PVT1: variants seen among roughly 807,000 people sequenced by gnomAD.
PVT1 encodes the protein Pvt1 oncogene.
chr8:128,068,727 C>T (rs1203015258), intron 4 of PVT1, among the ~76,000 whole-genome samples: 3 of 152,136 alleles, frequency 2.0e-5, no homozygotes, highest in Non-Finnish European at 2.9e-5. Context: ...CTCCTGACCT[C>T]GTGATCCACC....
chr8:128,034,754 A>C (rs1429933179), intron 4 of PVT1, among the ~76,000 whole-genome samples: 1 of 152,202 alleles, frequency 6.6e-6, no homozygotes, highest in Non-Finnish European at 1.5e-5. Context: ...TATACAATTT[A>C]TTCCTCACAC....
chr8:127,954,876 C>T (rs1816550836), intron 3 of PVT1, among the ~76,000 whole-genome samples: 1 of 152,214 alleles, frequency 6.6e-6, no homozygotes, highest in African/African-American at 2.4e-5. Context: ...TTATCCTTTG[C>T]ACCACCCTAC....
chr8:127,953,919 T>C (rs142099176), intron 3 of PVT1, among the ~76,000 whole-genome samples: 1 of 152,326 alleles, frequency 6.6e-6, no homozygotes, highest in East Asian at 1.9e-4. Context: ...AGAAGATACA[T>C]ACATAAATGC....
exon 5 of PVT1, chr8:128,070,267 C>T (rs1813968824): frequency 6.6e-6 from 1 of 152,484 alleles, no homozygotes; most frequent in African/African-American, 2.4e-5. Context: ...TGCTAGTGGA[C>T]ATGAGGTAAC....
chr8:128,005,054 C>T (rs1418745424), intron 4 of PVT1, among the ~76,000 whole-genome samples: 7 of 151,864 alleles, frequency 4.6e-5, no homozygotes, highest in East Asian at 3.9e-4. Flanking sequence ...GCAGGAGAAT[C>T]GCTTGAACCT....
At chr8:128,088,481 C>T (rs1024721268) in intron 5 of PVT1, among the ~76,000 whole-genome samples, 8 of 152,168 alleles carry the variant, frequency 5.3e-5, no homozygotes, top group African/African-American at 1.9e-4. Flanking sequence ...TTATTGAAAG[C>T]CTACTTTGTG....
intron 2 of PVT1, among the ~76,000 whole-genome samples, chr8:127,824,778 T>G (rs1814768663): frequency 1.3e-5 from 2 of 152,212 alleles, no homozygotes. Flanking sequence ...CCTATTGCAA[T>G]GACAGCTTGT....
At chr8:127,809,250 T>TG (rs1814565338) in intron 2 of PVT1, among the ~76,000 whole-genome samples, 1 of 152,074 alleles carries the variant, frequency 6.6e-6, no homozygotes. Flanking sequence ...AGGAGTGCAG[T>TG]GAGCCATAGT....
intron 3 of PVT1, among the ~76,000 whole-genome samples, chr8:127,925,719 G>T (rs759645924): frequency 6.6e-6 from 1 of 152,010 alleles, no homozygotes; most frequent in African/African-American, 2.4e-5. Context: ...TCGGCTCACC[G>T]CAACCTCTGC....
intron 4 of PVT1, among the ~76,000 whole-genome samples, chr8:128,063,436 C>T (rs921356948): frequency 1.3e-5 from 2 of 151,814 alleles, no homozygotes; most frequent in African/African-American, 4.8e-5. Context: ...TGCTTGAACT[C>T]GGGAAGTGGG....
intron 3 of PVT1, among the ~76,000 whole-genome samples, chr8:127,945,492 C>G (rs188017045): frequency 6.6e-6 from 1 of 152,248 alleles, no homozygotes; most frequent in East Asian, 1.9e-4. Flanking sequence ...GGGGTGATGC[C>G]ATTTCTGGTA....
intron 4 of PVT1, among the ~76,000 whole-genome samples, chr8:128,023,043 T>C (rs1817456346): frequency 6.6e-6 from 1 of 152,078 alleles, no homozygotes; most frequent in Non-Finnish European, 1.5e-5. Flanking sequence ...ATTTTTGTTA[T>C]TTTTAGTAGA....
At chr8:128,048,062 C>T (rs1240959086) in intron 4 of PVT1, among the ~76,000 whole-genome samples, 1 of 152,148 alleles carries the variant, frequency 6.6e-6, no homozygotes, top group Non-Finnish European at 1.5e-5. Flanking sequence ...GCACAGCCAC[C>T]AACCCCAGAT....
At chr8:127,996,072 G>A (rs1457995861) in intron 4 of PVT1, among the ~76,000 whole-genome samples, 2 of 152,118 alleles carry the variant, frequency 1.3e-5, no homozygotes, top group Admixed American at 1.3e-4. Flanking sequence ...GGACCTCTGA[G>A]CTTGCACTCC....
At chr8:128,045,201 T>G (rs1214790406) in intron 4 of PVT1, among the ~76,000 whole-genome samples, 1 of 152,164 alleles carries the variant, frequency 6.6e-6, no homozygotes, top group East Asian at 1.9e-4. Flanking sequence ...TTGTACCCCT[T>G]GTGGGCAGGC....
intron 2 of PVT1, among the ~76,000 whole-genome samples, chr8:127,837,301 A>C (rs1212841533): frequency 1.3e-5 from 2 of 152,126 alleles, no homozygotes; most frequent in African/African-American, 4.8e-5. Context: ...GGCTTCATGC[A>C]ACACCTTTCA....
intron 3 of PVT1, among the ~76,000 whole-genome samples, chr8:127,951,927 T>C (rs1404736230): frequency 6.6e-6 from 1 of 151,964 alleles, no homozygotes; most frequent in East Asian, 1.9e-4. Flanking sequence ...GCGATTCTCC[T>C]GCCTCAGCCT....
At chr8:127,887,833 A>AC (rs1284297542) in intron 2 of PVT1, among the ~76,000 whole-genome samples, 2 of 151,086 alleles carry the variant, frequency 1.3e-5, no homozygotes, top group African/African-American at 4.9e-5. Flanking sequence ...TGGCCTAGAA[A>AC]CACTGTCTTA....
chr8:127,987,113 G>A (rs1447703744), intron 3 of PVT1, among the ~76,000 whole-genome samples: 2 of 152,238 alleles, frequency 1.3e-5, no homozygotes, highest in Non-Finnish European at 2.9e-5. Context: ...GGGACTCTGT[G>A]TGTGTTCAGT....
Sources: allele counts gnomAD v4.1 joint callset (sites outside exome capture counted in the v4.1 genomes callset), GRCh38; gene constraint gnomAD v4.1.1; transcripts MANE v1.5; gene names NCBI Gene and HGNC (gene_info 2026-07-23, HGNC 2026-07-21).